The following CCDC175 variants were observed in gnomAD, a reference collection of about 807,000 sequenced individuals.
The protein encoded by CCDC175 is coiled-coil domain-containing protein 175.
In CCDC175, 100 loss-of-function variants were observed where a neutral mutation model predicts 114.6. That is an observed-to-expected ratio of 0.87 (90% confidence interval 0.74 to 1.03). The LOEUF (loss-of-function observed/expected upper bound fraction) is 1.03, where lower values mean the gene tolerates loss of function less well. Ranked by LOEUF, CCDC175 falls within the 50% of genes least tolerant of loss-of-function variation. The pLI is 0.00. For synonymous variants in CCDC175, 306 were observed against 308.7 expected (o/e 0.99, Z 0.09); for missense variants, 880 against 917.8 (o/e 0.96, Z 0.53).
chr14:59,543,457 A>G lies in CCDC175; in HGVS notation c.1173-3T>C, dbSNP rs777212834. On this transcript the variant is annotated splice_region_variant and splice_polypyrimidine_tract_variant and intron_variant, in intron 9 of 19. Transcript: ENST00000537690. ...TAAATGTCAGCTGTTTCTGATTTCT[A>G]TCATGAAAAACAGAGTTATTTGTTG... 4.8e-6 allele frequency: 6 copies of G among 1,251,712 alleles called. No individual in the cohort carries two copies. The highest frequency in any genetic ancestry group is 1.6e-5 in the South Asian group (1 of 63,434). The allele number at this position is 1,251,712 out of a possible 1,614,324, so 77.5% of individuals were successfully genotyped here. A position where few individuals can be genotyped will look rare whatever the true frequency, so the allele number is the denominator to read the frequency against.
chr14:59,513,939 A>C (rs1029148870), intron 17 of CCDC175, among the ~76,000 whole-genome samples: 3 of 152,172 alleles, frequency 2.0e-5, no homozygotes, highest in Non-Finnish European at 4.4e-5. Flanking sequence ...CTGACACCTC[A>C]CATGGCCGGG....
rs1009266594 is a variant in CCDC175, at chr14:59,553,488, C to T, written c.954-2052G>A. Among the ~76,000 whole-genome samples the T allele has an allele frequency of 2.7e-3, 406 of 152,250 alleles. 1 individual carries two copies. Among genetic ancestry groups the T allele is most frequent in the African/African-American group, 8.9e-3 (370 of 41,538 alleles). On this transcript the variant is annotated intron_variant, in intron 7 of 19. Transcript: ENST00000537690. Reference sequence around the variant, plus strand: ...AGCACTAAACATGGAAAGGAAGAACCGGCACCAGCCACTGCAAAAACATGC... The same window carrying T: ...AGCACTAAACATGGAAAGGAAGAACTGGCACCAGCCACTGCAAAAACATGC...
intron 12 of CCDC175, 29 bp downstream of exon 12, chr14:59,538,676 C>T: frequency 6.6e-7 from 1 of 1,507,780 alleles, no homozygotes. Context: ...ATGTAGGGGA[C>T]TAATTCTAAG....
chr14:59,558,380 G>C (rs987998888), intron 7 of CCDC175, among the ~76,000 whole-genome samples: 7 of 152,210 alleles, frequency 4.6e-5, no homozygotes, highest in Admixed American at 3.3e-4. Context: ...AGATCATGTA[G>C]AAGGCTCTGG....
At chr14:59,524,541 A>G (rs1329946745) in intron 16 of CCDC175, among the ~76,000 whole-genome samples, 1 of 152,212 alleles carries the variant, frequency 6.6e-6, no homozygotes, top group Admixed American at 6.5e-5. Context: ...ACCACTACAC[A>G]CCCATTAGAA....
intron 1 of CCDC175, 149 bp downstream of exon 1, chr14:59,576,470 C>T (rs1897126319): frequency 1.3e-6 from 1 of 753,196 alleles, no homozygotes; most frequent in Admixed American, 4.2e-5. Context: ...CTCTCTCTCC[C>T]CAGCCTCCAA....
chr14:59,544,935 A>G (rs958889059), intron 9 of CCDC175, among the ~76,000 whole-genome samples: 2 of 152,220 alleles, frequency 1.3e-5, no homozygotes, highest in Non-Finnish European at 2.9e-5. Flanking sequence ...TCCAGCCTCC[A>G]GAACCGTGAG....
At chr14:59,540,431 G>C (rs1180744094) in intron 11 of CCDC175, among the ~76,000 whole-genome samples, 2 of 151,184 alleles carry the variant, frequency 1.3e-5, no homozygotes, top group Non-Finnish European at 2.9e-5. Flanking sequence ...ACAAATATTA[G>C]CAATTTTACT....
At chr14:59,524,648 A>T (rs1893636796) in intron 16 of CCDC175, among the ~76,000 whole-genome samples, 1 of 152,176 alleles carries the variant, frequency 6.6e-6, no homozygotes. Context: ...CTCCTTTGGG[A>T]GACTGGTAGT....
Position 59,547,860 on chromosome 14 carries a change from C to T in CCDC175, c.1036-2561G>A, listed in dbSNP as rs571636360. 1.5e-4 allele frequency among the ~76,000 whole-genome samples: 23 copies of T among 152,146 alleles called. No individual in the cohort carries two copies. In the South Asian group the frequency reaches 3.9e-3, roughly 26 times the overall value. On this transcript the variant is annotated intron_variant, in intron 8 of 19. Coordinates refer to ENST00000537690, the MANE Select transcript of CCDC175 (RefSeq NM_001164399.2). Reference sequence around the variant, plus strand: ...AAATTATATTCATCAAAAATATGTACATAAATATTGTATATTTATGGTTTA... The same window carrying T: ...AAATTATATTCATCAAAAATATGTATATAAATATTGTATATTTATGGTTTA...
Position 59,511,830 on chromosome 14 carries a change from T to A in CCDC175, c.2099-27A>T, listed in dbSNP as rs757727857. ...TAAAATAAAGATTTAAAAAATACAA[T>A]GGTTACTGACACAATCTGAACATTT... On this transcript the variant is annotated intron_variant, in intron 17 of 19. Coordinates refer to ENST00000537690, the MANE Select transcript of CCDC175 (RefSeq NM_001164399.2). The A allele has an allele frequency of 6.9e-6, 10 of 1,452,640 alleles. 1 individual carries two copies. The South Asian group carries it at 1.2e-4, about 18-fold the overall frequency. 90.0% of individuals were successfully genotyped at this position (1,452,640 alleles called of 1,614,324 possible).
chr14:59,558,848 T>C (rs994473416), intron 7 of CCDC175, among the ~76,000 whole-genome samples: 6 of 152,026 alleles, frequency 3.9e-5, no homozygotes, highest in African/African-American at 1.4e-4. Context: ...GAGCAGAGAA[T>C]AGTGAAGGAC....
At chr14:59,505,955 A>G (rs1450051362) in intron 19 of CCDC175, among the ~76,000 whole-genome samples, 2 of 152,172 alleles carry the variant, frequency 1.3e-5, no homozygotes, top group African/African-American at 2.4e-5. Flanking sequence ...ACAGTTCAGT[A>G]TCCGTAATCC....
chr14:59,518,836 A>G (rs1308574031), intron 17 of CCDC175, among the ~76,000 whole-genome samples: 3 of 152,216 alleles, frequency 2.0e-5, no homozygotes, highest in South Asian at 4.1e-4. Flanking sequence ...CCAAAGGATT[A>G]TAAATCATGC....
intron 17 of CCDC175, among the ~76,000 whole-genome samples, chr14:59,518,544 A>G (rs1456518691): frequency 2.0e-5 from 3 of 152,266 alleles, no homozygotes; most frequent in African/African-American, 7.2e-5. Context: ...AGACATTTAT[A>G]CAGCCAAAAG....
intron 5 of CCDC175, 149 bp from the exon 6 acceptor site, chr14:59,564,008 A>C (rs756457036): frequency 4.2e-6 from 2 of 474,376 alleles, no homozygotes; most frequent in Non-Finnish European, 6.5e-6. Context: ...TAAACCTAAA[A>C]ACCAGGGTTT....
In CCDC175 at chr14:59,565,221, G is replaced by A. The variant is rs529007761; in HGVS notation, c.546C>T (p.Asn182=). Residue 182 remains asparagine (N), a synonymous_variant, in exon 5 of 20, where the codon AAC becomes AAT. Coordinates refer to ENST00000537690, the MANE Select transcript of CCDC175 (RefSeq NM_001164399.2). ...TGGTGGCTTTTTTCTCCATAGTTTGGTTGAGTGACAGGACAAACCTTGCAT... is the reference window on the plus strand; with the variant it reads ...TGGTGGCTTTTTTCTCCATAGTTTGATTGAGTGACAGGACAAACCTTGCAT... ...RKHARFVLSL[N]QTMEKKATTT... 8.0e-5 allele frequency: 123 copies of A among 1,537,696 alleles called. 1 individual carries two copies. In the South Asian group the frequency reaches 1.4e-3, roughly 18 times the overall value.
At chr14:59,513,227 C>T (rs1369648426) in intron 17 of CCDC175, among the ~76,000 whole-genome samples, 1 of 152,202 alleles carries the variant, frequency 6.6e-6, no homozygotes, top group Non-Finnish European at 1.5e-5. Context: ...CAGTCTACAG[C>T]TCCCAACGTC....
At chr14:59,551,203 G>C in intron 8 of CCDC175, 152 bp downstream of exon 8, 1 of 474,686 alleles carries the variant, frequency 2.1e-6, no homozygotes, top group South Asian at 3.5e-5. Context: ...ACTTTGGGAG[G>C]AGATAAAATT....
Sources: allele counts gnomAD v4.1 joint callset (sites outside exome capture counted in the v4.1 genomes callset), GRCh38; gene constraint gnomAD v4.1.1; transcripts MANE v1.5; gene names NCBI Gene and HGNC (gene_info 2026-07-23, HGNC 2026-07-21).